The following IL31RA variants were observed in gnomAD, a reference collection of about 807,000 sequenced individuals.
The protein encoded by IL31RA is interleukin-31 receptor subunit alpha.
IL31RA carries 66 observed loss-of-function variants against 83.7 expected under a neutral mutation model. The ratio of observed to expected loss-of-function variants is 0.79; its 90% CI spans 0.65 to 0.97. IL31RA has a LOEUF of 0.97. IL31RA is among the 50% of genes least tolerant of loss of function. The pLI, the probability that IL31RA is intolerant of heterozygous loss-of-function variation, is 0.00. For synonymous variants in IL31RA, 325 were observed against 329.0 expected (o/e 0.99, Z 0.13); for missense variants, 798 against 919.4 (o/e 0.87, Z 1.71).
intron 2 of IL31RA, among the ~76,000 whole-genome samples, chr5:55,867,124 TG>T (rs1561542898): frequency 2.7e-3 from 308 of 114,472 alleles, no homozygotes; most frequent in African/African-American, 8.5e-3. Context: ...TGTGTGTGTT[TG>T]TGTGTGTGTG....
intron 1 of IL31RA, among the ~76,000 whole-genome samples, chr5:55,858,539 T>C (rs1745487044): frequency 6.6e-6 from 1 of 152,248 alleles, no homozygotes; most frequent in Admixed American, 6.5e-5. Context: ...TTGGTTCATA[T>C]GTGAGAAAAT....
chr5:55,899,161 G>A (rs146098251), intron 7 of IL31RA, among the ~76,000 whole-genome samples: 1 of 152,326 alleles, frequency 6.6e-6, no homozygotes, highest in Non-Finnish European at 1.5e-5. Context: ...TGGGAAGGCA[G>A]TGGGACGAAG....
chr5:55,899,352 C>T (rs1241846634), intron 7 of IL31RA, among the ~76,000 whole-genome samples: 1 of 152,198 alleles, frequency 6.6e-6, no homozygotes, highest in Non-Finnish European at 1.5e-5. Context: ...GCTTAAAGTC[C>T]TCAGGATTCC....
Position 55,900,015 on chromosome 5 carries a change from A to C in IL31RA, c.952A>C (p.Asn318His). Reference protein sequence around the residue: ...TNLTETMNTTNQQLELHLGGE... With the variant: ...TNLTETMNTTHQQLELHLGGE... ...CCTCACAGAAACAATGAACACTACTAACCAGCAGCTTGAACTGCATCTGGG... is the reference window on the plus strand; with the variant it reads ...CCTCACAGAAACAATGAACACTACTCACCAGCAGCTTGAACTGCATCTGGG... Residue 318 changes from asparagine to histidine, a missense_variant, in exon 8 of 15, where the codon AAC (asparagine) becomes CAC (histidine). By Grantham distance (68) the Asn-to-His change is moderately conservative (BLOSUM62 1). Transcript: ENST00000652347. 2 of 1,613,870 alleles carry C rather than the reference A, an allele frequency of 1.2e-6. No individual in the cohort carries two copies. Among genetic ancestry groups the C allele is most frequent in the Non-Finnish European group, 1.7e-6 (2 of 1,179,754 alleles).
intron 1 of IL31RA, among the ~76,000 whole-genome samples, chr5:55,855,781 G>A (rs1218133042): frequency 1.3e-5 from 2 of 152,316 alleles, no homozygotes; most frequent in East Asian, 3.9e-4. Flanking sequence ...TCTTCTCGCT[G>A]TGTTCCCAGC....
rs763331254 is a variant in IL31RA at position 55,917,020 on chromosome 5, G to A, written c.2195G>A (p.Cys732Tyr). ...SGQSLVPDHL[C>Y]EEGAPNPYLK... The stretch of plus-strand genomic sequence containing the variant: ...CAAAGTTTAGTACCAGATCATCTGT[G>A]TGAGGAAGGAGCCCCAAATCCATAT... The change falls in exon 15 of 15, where the codon TGT becomes TAT. Residue 732 changes from cysteine to tyrosine, a missense_variant. Cys to Tyr is a radical substitution (Grantham distance 194). Transcript: ENST00000652347. The A allele has an allele frequency of 3.7e-6, 6 of 1,614,092 alleles. No individual in the cohort carries two copies. Among genetic ancestry groups the A allele is most frequent in the South Asian group, 3.3e-5 (3 of 91,088 alleles).
rs1229853997 is a variant in IL31RA at position 55,906,277 on chromosome 5, C to T, written c.1241C>T (p.Thr414Met). 8 of 1,613,900 alleles carry T rather than the reference C, an allele frequency of 5.0e-6. No individual in the cohort carries two copies. Among genetic ancestry groups the T allele is most frequent in the Non-Finnish European group, 5.9e-6 (7 of 1,180,026 alleles). The change falls in exon 9 of 15, where the codon ACG becomes ATG. Residue 414 changes from threonine to methionine, a missense_variant. Physicochemically the swap from Thr to Met is moderately conservative, Grantham distance 81. Transcript: ENST00000652347. ...WESVSQATNW[T>M]IQQDKLKPFW... Reference sequence around the variant, plus strand: ...TCTGTGTCTCAGGCCACGAACTGGACGATCCAGCAAGGTAGCCAGGGCGGA... The same window carrying T: ...TCTGTGTCTCAGGCCACGAACTGGATGATCCAGCAAGGTAGCCAGGGCGGA...
At chr5:55,911,494 T>A (rs977288726) in intron 12 of IL31RA, among the ~76,000 whole-genome samples, 2 of 149,784 alleles carry the variant, frequency 1.3e-5, no homozygotes, top group Non-Finnish European at 2.9e-5. Flanking sequence ...TTTGTGGAGG[T>A]TTTTTTTGAG....
At position 55,913,650 on chromosome 5, in the gene IL31RA, G is replaced by C. The variant is rs1749628090; in HGVS notation, c.1736+80G>C. ...AAGTCATCATAGGTGCTTCGTAGGA[G>C]AGGGCACTCTACCATTAAGGGGTGT... On this transcript the variant is annotated intron_variant, in intron 13 of 14. Transcript: ENST00000652347. 4.6e-6 allele frequency: 4 copies of C among 864,474 alleles called. No individual in the cohort carries two copies. In the East Asian group the frequency reaches 9.6e-5, roughly 21 times the overall value. 53.6% of individuals were successfully genotyped at this position (864,474 alleles called of 1,614,324 possible).
intron 3 of IL31RA, among the ~76,000 whole-genome samples, chr5:55,869,356 A>AT (rs992727305): frequency 2.0e-5 from 3 of 151,946 alleles, no homozygotes; most frequent in African/African-American, 4.8e-5. Context: ...TGATTCCCCA[A>AT]TTTTTTTTAC....
intron 3 of IL31RA, 123 bp downstream of exon 3, chr5:55,869,031 ACT>A (rs1746357123): frequency 1.3e-6 from 1 of 757,300 alleles, no homozygotes; most frequent in African/African-American, 1.7e-5. Context: ...CTGGGTGATT[ACT>A]GTGTGCAGCC....
At chr5:55,897,226 A>G (rs1282106624) in intron 7 of IL31RA, among the ~76,000 whole-genome samples, 1 of 149,008 alleles carries the variant, frequency 6.7e-6, no homozygotes, top group Non-Finnish European at 1.5e-5. Context: ...TTACCCCCAG[A>G]ATTTCCTTCC....
chr5:55,858,017 A>G (rs965059849), intron 1 of IL31RA, among the ~76,000 whole-genome samples: 3 of 152,122 alleles, frequency 2.0e-5, no homozygotes, highest in African/African-American at 7.2e-5. Flanking sequence ...GGGATGATTT[A>G]GTACTGCTGA....
chr5:55,897,426 C>T (rs1190981852), intron 7 of IL31RA, among the ~76,000 whole-genome samples: 9 of 152,040 alleles, frequency 5.9e-5, no homozygotes, highest in East Asian at 1.9e-4. Context: ...CTGGAGGAAA[C>T]GATCACTGAC....
chr5:55,891,761 A>ATTTTTTTTTTTTTTTTTT lies in IL31RA; in HGVS notation c.772+1641_772+1658dup, dbSNP rs35672011. ...TACAGGTTCCAGGGATTTGGACAAG[A>ATTTTTTTTTTTTTTTTTT]TTTTTTTTTTTTTTTTTTTTTTTTT... On this transcript the variant is annotated intron_variant, in intron 6 of 14. Coordinates refer to ENST00000652347, the MANE Select transcript of IL31RA (RefSeq NM_139017.7). Among the ~76,000 whole-genome samples the ATTTTTTTTTTTTTTTTTT allele has an allele frequency of 1.8e-4, 11 of 60,030 alleles. 1 individual carries two copies. Among genetic ancestry groups the ATTTTTTTTTTTTTTTTTT allele is most frequent in the East Asian group, 6.0e-4 (1 of 1,656 alleles). The allele number at this position is 60,030 out of a possible 152,430, so 39.4% of individuals were successfully genotyped here.
At chr5:55,868,184 C>T (rs1036720736) in intron 2 of IL31RA, among the ~76,000 whole-genome samples, 1 of 151,962 alleles carries the variant, frequency 6.6e-6, no homozygotes, top group Non-Finnish European at 1.5e-5. Flanking sequence ...GTTCATGGAC[C>T]CCTGAATTCT....
the IL31RA span, among the ~76,000 whole-genome samples, chr5:55,845,971 G>A: frequency 6.6e-6 from 1 of 152,134 alleles, no homozygotes; most frequent in African/African-American, 2.4e-5. Flanking sequence ...CAAAGTATGA[G>A]GGCCTCTTTA....
Position 55,885,402 on chromosome 5 carries a change from G to T in IL31RA, c.606+2207G>T, listed in dbSNP as rs373196869. On this transcript the variant is annotated intron_variant, in intron 5 of 14. Transcript: ENST00000652347. ...TTTATTGGGCGAAAAGGAAAAAAGA[G>T]AAAAAAATTCTCAGCAAAGCGAGAT... Among the ~76,000 whole-genome samples the T allele has an allele frequency of 7.2e-4, 110 of 152,250 alleles. 2 individuals are homozygous for T. The South Asian group carries it at 0.014, about 19-fold the overall frequency.
chr5:55,922,756 T>C lies in IL31RA; in HGVS notation c.*5636T>C, dbSNP rs1750150898. On this transcript the variant is annotated 3_prime_UTR_variant, in exon 15 of 15. Transcript: ENST00000652347. ...GCTATACTTCTATACTATTTTCATGTAATACTATACTTCTATACTATTTTC... is the reference window on the plus strand; with the variant it reads ...GCTATACTTCTATACTATTTTCATGCAATACTATACTTCTATACTATTTTC... 3.0e-6 allele frequency: 1 copy of C among 329,772 alleles called. No individual in the cohort carries two copies. Among genetic ancestry groups the C allele is most frequent in the African/African-American group, 2.1e-5 (1 of 47,326 alleles). The allele number at this position is 329,772 out of a possible 1,614,324, so 20.4% of individuals were successfully genotyped here.
Sources: gnomAD v4.1 joint callset for allele counts (sites outside exome capture counted in the v4.1 genomes callset) on GRCh38, gnomAD v4.1.1 for gene constraint, MANE v1.5 for transcripts, NCBI Gene and HGNC (gene_info 2026-07-23, HGNC 2026-07-21) for gene names.